The following KSR2 variants were observed in gnomAD, a reference collection of about 807,000 sequenced individuals.
The protein encoded by KSR2 is kinase suppressor of ras 2.
KSR2 carries 25 observed loss-of-function variants against 107.8 expected under a neutral mutation model. That is an observed-to-expected ratio of 0.23 (90% CI 0.17 to 0.32). The LOEUF is 0.32. Ranked by LOEUF, KSR2 falls within the 10% of genes least tolerant of loss-of-function variation. KSR2 has a pLI of 1.00. For missense variants in KSR2, 887 were observed against 1,268.9 expected, an observed-to-expected ratio of 0.70 and a Z score of 4.57; for synonymous variants, 480 against 507.0, an observed-to-expected ratio of 0.95 and a Z score of 0.71.
At chr12:117,604,054 A>G (rs1396345918) in intron 5 of KSR2, among the ~76,000 whole-genome samples, 2 of 152,128 alleles carry the variant, frequency 1.3e-5, no homozygotes, top group Non-Finnish European at 2.9e-5. Flanking sequence ...TCACTTATTG[A>G]CATCAGAGGG....
intron 5 of KSR2, among the ~76,000 whole-genome samples, chr12:117,665,556 T>G (rs897477575): frequency 1.3e-5 from 2 of 151,954 alleles, no homozygotes; most frequent in Non-Finnish European, 2.9e-5. Flanking sequence ...CATGGGGAAG[T>G]GGGGAGGGGA....
intron 5 of KSR2, among the ~76,000 whole-genome samples, chr12:117,645,084 G>C (rs1883554766): frequency 6.6e-6 from 1 of 152,182 alleles, no homozygotes; most frequent in African/African-American, 2.4e-5. Flanking sequence ...CATCTAATCA[G>C]AGCTAATACT....
chr12:117,669,791 C>T (rs780789523), intron 4 of KSR2, among the ~76,000 whole-genome samples: 16 of 152,070 alleles, frequency 1.1e-4, no homozygotes, highest in Admixed American at 2.0e-4. Flanking sequence ...TCACTAGAGA[C>T]CAGGAGTTTG....
chr12:117,718,858 A>G (rs1163772380), intron 4 of KSR2, among the ~76,000 whole-genome samples: 1 of 152,198 alleles, frequency 6.6e-6, no homozygotes, highest in Non-Finnish European at 1.5e-5. Context: ...CCCCTCTGCC[A>G]TACCATCATG....
At chr12:117,918,855 A>G (rs977525343) in intron 1 of KSR2, among the ~76,000 whole-genome samples, 101 of 152,128 alleles carry the variant, frequency 6.6e-4, no homozygotes, top group African/African-American at 2.3e-3. Context: ...CTGTAATCCC[A>G]GCACTTTGGG....
chr12:117,603,126 T>C (rs1466014577), intron 5 of KSR2, among the ~76,000 whole-genome samples: 4 of 152,228 alleles, frequency 2.6e-5, no homozygotes, highest in African/African-American at 7.2e-5. Flanking sequence ...AGATACCTGG[T>C]GACAGAGCCT....
chr12:117,721,315 G>A (rs773484002), intron 4 of KSR2, among the ~76,000 whole-genome samples: 3 of 152,100 alleles, frequency 2.0e-5, no homozygotes, highest in Non-Finnish European at 4.4e-5. Flanking sequence ...AAATGCTTAC[G>A]ATATAATGAA....
At chr12:117,966,975 G>A (rs79612324) in intron 1 of KSR2, among the ~76,000 whole-genome samples, 1 of 152,056 alleles carries the variant, frequency 6.6e-6, no homozygotes, top group Non-Finnish European at 1.5e-5. Context: ...CCCCACCCTC[G>A]GCGGATGCCA....
chr12:117,717,683 G>A (rs1887043416), intron 4 of KSR2, among the ~76,000 whole-genome samples: 1 of 110,326 alleles, frequency 9.1e-6, no homozygotes, highest in Non-Finnish European at 2.1e-5. Flanking sequence ...GTGTGTGTGT[G>A]TGTGTGTGTG....
intron 10 of KSR2, among the ~76,000 whole-genome samples, chr12:117,534,733 G>A (rs1875907008): frequency 6.6e-6 from 1 of 151,904 alleles, no homozygotes; most frequent in African/African-American, 2.4e-5. Context: ...TCTTGAGGTG[G>A]GGAGATTATC....
chr12:117,787,400 C>T (rs10744903), intron 3 of KSR2, among the ~76,000 whole-genome samples: 84,120 of 151,926 alleles, frequency 0.55, 24,798 homozygotes, highest in African/African-American at 0.75. Context: ...TGGGAGGCCA[C>T]GGCGGGCGGA....
At chr12:117,485,831 T>C (rs1377018564) in intron 14 of KSR2, 140 bp from the exon 15 acceptor site, 10 of 589,916 alleles carry the variant, frequency 1.7e-5, no homozygotes. Flanking sequence ...AGTCTGGGAC[T>C]GGACTTCAGA....
chr12:117,798,359 G>A (rs1286951509), intron 3 of KSR2, among the ~76,000 whole-genome samples: 1 of 152,222 alleles, frequency 6.6e-6, no homozygotes, highest in African/African-American at 2.4e-5. Context: ...GAAGCTGGGT[G>A]TGGTGGCTCA....
At chr12:117,854,931 T>C (rs1004814192) in intron 3 of KSR2, among the ~76,000 whole-genome samples, 11 of 152,248 alleles carry the variant, frequency 7.2e-5, no homozygotes, top group South Asian at 2.1e-4. Context: ...AAAGTATACA[T>C]ATATCCATTT....
intron 7 of KSR2, among the ~76,000 whole-genome samples, chr12:117,573,034 C>G (rs1878997494): frequency 6.6e-6 from 1 of 152,236 alleles, no homozygotes; most frequent in African/African-American, 2.4e-5. Context: ...CCATTCCGCT[C>G]TCATGAACCT....
intron 3 of KSR2, among the ~76,000 whole-genome samples, chr12:117,789,693 T>C (rs1890191660): frequency 6.6e-6 from 1 of 152,142 alleles, no homozygotes; most frequent in Non-Finnish European, 1.5e-5. Context: ...CTCACATTGG[T>C]CAAAACGTAA....
At chr12:117,888,312 C>A (rs1566068198) in intron 1 of KSR2, among the ~76,000 whole-genome samples, 1 of 152,024 alleles carries the variant, frequency 6.6e-6, no homozygotes, top group Non-Finnish European at 1.5e-5. Flanking sequence ...AATGTTCCAC[C>A]ATATATCAAA....
At chr12:117,667,705 G>A (rs1289524626) in intron 4 of KSR2, 47 bp from the exon 5 acceptor site, 13 of 1,468,562 alleles carry the variant, frequency 8.9e-6, no homozygotes, top group Non-Finnish European at 1.2e-5. Flanking sequence ...ATCCATAGGT[G>A]CACAAAGTTA....
chr12:117,682,649 C>A (rs2136540375), intron 4 of KSR2, among the ~76,000 whole-genome samples: 1 of 152,168 alleles, frequency 6.6e-6, no homozygotes. Context: ...AAACTCCCGA[C>A]CTCGGCTGAC....
Sources: allele counts gnomAD v4.1 joint callset (sites outside exome capture counted in the v4.1 genomes callset), GRCh38; gene constraint gnomAD v4.1.1; transcripts MANE v1.5; gene names NCBI Gene and HGNC (gene_info 2026-07-23, HGNC 2026-07-21).